TAPT1: variants seen among roughly 807,000 people sequenced by gnomAD.
TAPT1 encodes the protein transmembrane anterior posterior transformation 1.
In TAPT1, 28 loss-of-function variants were observed where a neutral mutation model predicts 65.6. The observed-to-expected ratio is 0.43, with a 90% CI of 0.32 to 0.59. The LOEUF (loss-of-function observed/expected upper bound fraction) is 0.59. Ranked by LOEUF, TAPT1 falls within the 20% of genes least tolerant of loss-of-function variation. TAPT1 has a pLI of 0.09. For synonymous variants in TAPT1, 278 were observed against 245.2 expected (o/e 1.13, Z -1.25); for missense variants, 563 against 679.9 (o/e 0.83, Z 1.91).
At chr4:16,176,337 A>G in intron 8 of TAPT1, 109 bp from the exon 9 acceptor site, 1 of 585,734 alleles carries the variant, frequency 1.7e-6, no homozygotes, top group Non-Finnish European at 2.9e-6. Flanking sequence ...TAGTATTTTC[A>G]GTAAATGATG....
At chr4:16,197,566 C>A (rs1037080438) in intron 3 of TAPT1, among the ~76,000 whole-genome samples, 7 of 152,156 alleles carry the variant, frequency 4.6e-5, no homozygotes, top group Non-Finnish European at 8.8e-5. Flanking sequence ...ATTTTTCATT[C>A]AATTCTACAA....
chr4:16,200,246 GCA>G (rs1261267926), intron 3 of TAPT1, among the ~76,000 whole-genome samples: 1 of 152,122 alleles, frequency 6.6e-6, no homozygotes, highest in Non-Finnish European at 1.5e-5. Flanking sequence ...TGAACTTGAC[GCA>G]CACTGTTGAT....
intron 2 of TAPT1, among the ~76,000 whole-genome samples, chr4:16,212,526 A>C (rs963877734): frequency 4.6e-5 from 7 of 152,240 alleles, no homozygotes; most frequent in Admixed American, 4.6e-4. Context: ...ATCTTCGATA[A>C]ATCTCAATGT....
upstream of TAPT1, chr4:16,227,241 C>T (rs560144831): frequency 7.2e-5 from 33 of 455,452 alleles, no homozygotes; most frequent in South Asian, 5.1e-4. Context: ...GGCGCGCCGG[C>T]GGACTTTCCA....
chr4:16,212,935 T>C (rs1448120459), intron 2 of TAPT1, among the ~76,000 whole-genome samples: 2 of 152,178 alleles, frequency 1.3e-5, no homozygotes, highest in Non-Finnish European at 1.5e-5. Flanking sequence ...TTACTCCTCA[T>C]TGCCTGCAGT....
chr4:16,215,292 A>AAAC (rs1248660144), intron 1 of TAPT1, among the ~76,000 whole-genome samples: 2 of 152,102 alleles, frequency 1.3e-5, no homozygotes, highest in Non-Finnish European at 1.5e-5. Context: ...CTGTGTCTCA[A>AAAC]AACAACAACA....
chr4:16,198,912 G>A (rs1041847510), intron 3 of TAPT1, among the ~76,000 whole-genome samples: 1 of 151,908 alleles, frequency 6.6e-6, no homozygotes, highest in Non-Finnish European at 1.5e-5. Flanking sequence ...TTCAAGTTTC[G>A]TGACTTTAAA....
intron 2 of TAPT1, among the ~76,000 whole-genome samples, chr4:16,211,270 A>G (rs2149710454): frequency 1.3e-5 from 2 of 152,204 alleles, no homozygotes; most frequent in Middle Eastern, 6.8e-3. Flanking sequence ...AGAATAGACA[A>G]TGTAAACAAA....
chr4:16,217,312 T>A (rs1266739320), intron 1 of TAPT1, among the ~76,000 whole-genome samples: 1 of 151,980 alleles, frequency 6.6e-6, no homozygotes, highest in Non-Finnish European at 1.5e-5. Context: ...TAAAACAATA[T>A]ACAGGTCAGA....
chr4:16,164,446 T>G (rs937623977), intron 13 of TAPT1, among the ~76,000 whole-genome samples: 1 of 152,194 alleles, frequency 6.6e-6, no homozygotes, highest in Non-Finnish European at 1.5e-5. Flanking sequence ...CTCCAAGACA[T>G]TCTGAGCAAA....
chr4:16,182,165 T>C (rs1168211689), intron 7 of TAPT1, among the ~76,000 whole-genome samples: 1 of 152,148 alleles, frequency 6.6e-6, no homozygotes, highest in Non-Finnish European at 1.5e-5. Flanking sequence ...AAAATCAAGA[T>C]TTGACTTTTA....
chr4:16,188,665 A>G (rs1248990805), intron 4 of TAPT1, among the ~76,000 whole-genome samples: 1 of 151,336 alleles, frequency 6.6e-6, no homozygotes, highest in Non-Finnish European at 1.5e-5. Flanking sequence ...TCATGCCTGT[A>G]ATCCCAGCAC....
At chr4:16,177,315 T>C (rs998984644) in intron 8 of TAPT1, among the ~76,000 whole-genome samples, 18 of 152,144 alleles carry the variant, frequency 1.2e-4, no homozygotes, top group African/African-American at 4.3e-4. Context: ...AGGTACCTGA[T>C]GAAACACACC....
At chr4:16,223,091 G>C (rs746552544) in intron 1 of TAPT1, among the ~76,000 whole-genome samples, 6 of 152,092 alleles carry the variant, frequency 3.9e-5, no homozygotes, top group African/African-American at 7.2e-5. Context: ...TTCAGATACT[G>C]AACTATCTAG....
rs1428734134 is a variant in TAPT1, at chr4:16,162,923, G to GT, written c.*384dup. On this transcript the variant is annotated 3_prime_UTR_variant, in exon 14 of 14. Coordinates refer to ENST00000405303, the MANE Select transcript of TAPT1 (RefSeq NM_153365.3). The stretch of plus-strand genomic sequence containing the variant: ...CTGGAAAGATTACGTCGTGGTAAAA[G>GT]TTTCACAGTTTTCCAGGTATTTCCT... 2 of 437,306 alleles carry GT rather than the reference G, an allele frequency of 4.6e-6. No homozygotes were observed. Among genetic ancestry groups the GT allele is most frequent in the East Asian group, 1.4e-4 (2 of 14,058 alleles). The allele number at this position is 437,306 out of a possible 1,614,324, so 27.1% of individuals were successfully genotyped here.
Position 16,186,522 on chromosome 4 carries a change from T to C in TAPT1, c.916+13A>G. On this transcript the variant is annotated intron_variant, in intron 7 of 13. Coordinates refer to ENST00000405303, the MANE Select transcript of TAPT1 (RefSeq NM_153365.3). ...ACTGCACAGAACTTCAAGTAGAATCTAATTGTACATACCGCTATTTGACAT... is the reference window on the plus strand; with the variant it reads ...ACTGCACAGAACTTCAAGTAGAATCCAATTGTACATACCGCTATTTGACAT... The C allele has an allele frequency of 6.7e-7, 1 of 1,495,384 alleles. No homozygotes were observed. The highest frequency in any genetic ancestry group is 9.1e-7 in the Non-Finnish European group (1 of 1,098,828). The allele number at this position is 1,495,384 out of a possible 1,614,324, so 92.6% of individuals were successfully genotyped here.
intron 12 of TAPT1, among the ~76,000 whole-genome samples, chr4:16,169,916 G>A (rs761176009): frequency 6.6e-6 from 1 of 152,160 alleles, no homozygotes; most frequent in Admixed American, 6.5e-5. Flanking sequence ...TTTTTCCTCT[G>A]GAGGGATTCA....
At chr4:16,193,017 G>A (rs1197275850) in intron 3 of TAPT1, among the ~76,000 whole-genome samples, 3 of 152,146 alleles carry the variant, frequency 2.0e-5, no homozygotes, top group Admixed American at 2.0e-4. Context: ...GCTTTATAAG[G>A]TCACAATGAT....
chr4:16,167,203 G>A (rs534189247), intron 12 of TAPT1, among the ~76,000 whole-genome samples: 4 of 152,068 alleles, frequency 2.6e-5, no homozygotes, highest in Non-Finnish European at 4.4e-5. Context: ...ATGTTGGCCA[G>A]GATGGTCTCA....
Sources: allele counts gnomAD v4.1 joint callset (sites outside exome capture counted in the v4.1 genomes callset), GRCh38; gene constraint gnomAD v4.1.1; transcripts MANE v1.5; gene names NCBI Gene and HGNC (gene_info 2026-07-23, HGNC 2026-07-21).